SPATA6: variants seen among roughly 807,000 people sequenced by gnomAD.
The protein encoded by SPATA6 is spermatogenesis associated 6.
In SPATA6, 56 loss-of-function variants were observed where a neutral mutation model predicts 65.3. That is an observed-to-expected ratio of 0.86 (90% CI 0.69 to 1.07). The LOEUF (loss-of-function observed/expected upper bound fraction) is 1.07. SPATA6 is among the 50% of genes least tolerant of loss of function. The probability of loss-of-function intolerance (pLI) is 0.00; values close to 1 mark genes in which losing one functional copy is unlikely to be tolerated. For missense variants in SPATA6, 590 were observed against 594.8 expected (o/e 0.99, Z 0.08); for synonymous variants, 199 against 213.2 (o/e 0.93, Z 0.58).
chr1:48,353,599 A>C (rs962449810), intron 11 of SPATA6, among the ~76,000 whole-genome samples: 1 of 151,976 alleles, frequency 6.6e-6, no homozygotes, highest in African/African-American at 2.4e-5. Context: ...ATATTACTAG[A>C]GATAAAGAGG....
At chr1:48,419,731 G>A (rs774807344) in intron 3 of SPATA6, among the ~76,000 whole-genome samples, 2 of 152,198 alleles carry the variant, frequency 1.3e-5, no homozygotes, top group Non-Finnish European at 2.9e-5. Context: ...GAAATGGGAA[G>A]TAATCATCTC....
At chr1:48,267,760 T>G in the SPATA6 span, among the ~76,000 whole-genome samples, 91 of 130,346 alleles carry the variant, frequency 7.0e-4, no homozygotes, top group Middle Eastern at 3.8e-3. Flanking sequence ...GGGTTTTTTT[T>G]TTTTTTTTTT....
At chr1:48,376,574 T>C (rs1176891423) in intron 9 of SPATA6, among the ~76,000 whole-genome samples, 1 of 151,980 alleles carries the variant, frequency 6.6e-6, no homozygotes, top group African/African-American at 2.4e-5. Flanking sequence ...ATCTTGCTAA[T>C]TTTTAAATTA....
At position 48,411,551 on chromosome 1, in the gene SPATA6, T is replaced by G; in HGVS notation, c.318A>C (p.Arg106=). The G allele has an allele frequency of 6.2e-7, 1 of 1,610,098 alleles. No individual in the cohort carries two copies. The highest frequency in any genetic ancestry group is 8.5e-7 in the Non-Finnish European group (1 of 1,178,136). ...ETLSTYDENT[R]DFMFPGPNQM... ...GGTTTGGACCCGGAAACATGAAATC[T>G]CGTGTATTTTCGTCATACGTAGACA... Residue 106 remains arginine (R), a synonymous_variant, in exon 5 of 13, where the codon CGA becomes CGC. Coordinates refer to ENST00000371847, the MANE Select transcript of SPATA6 (RefSeq NM_019073.4).
intron 3 of SPATA6, chr1:48,435,884 G>A: frequency 1.5e-6 from 2 of 1,372,314 alleles, no homozygotes; most frequent in East Asian, 2.3e-5. Context: ...GGATATATCT[G>A]CATCTTGAAA....
At chr1:48,418,848 G>A (rs1206416821) in intron 3 of SPATA6, among the ~76,000 whole-genome samples, 5 of 147,416 alleles carry the variant, frequency 3.4e-5, no homozygotes, top group African/African-American at 7.5e-5. Flanking sequence ...AGAGAGGAGA[G>A]GAGAGGGGAG....
intron 9 of SPATA6, among the ~76,000 whole-genome samples, chr1:48,380,245 T>C (rs757273071): frequency 4.7e-4 from 71 of 152,266 alleles, no homozygotes; most frequent in Non-Finnish European, 9.3e-4. Context: ...TACTTGAATA[T>C]TTATTAACTA....
intron 7 of SPATA6, 76 bp from the exon 8 acceptor site, chr1:48,395,430 CTACTAGAG>C (rs1486444639): frequency 6.0e-6 from 6 of 1,006,766 alleles, no homozygotes; most frequent in African/African-American, 1.7e-5. Context: ...ACCAGAAAAA[CTACTAGAG>C]TACAGAGAGC....
intron 9 of SPATA6, among the ~76,000 whole-genome samples, chr1:48,361,480 C>A (rs1646810851): frequency 6.6e-6 from 1 of 151,980 alleles, no homozygotes; most frequent in Admixed American, 6.6e-5. Context: ...AAGTTGAATT[C>A]AAGAGAGAAT....
chr1:48,320,604 A>G (rs890343615), intron 11 of SPATA6, among the ~76,000 whole-genome samples: 1 of 152,262 alleles, frequency 6.6e-6, no homozygotes, highest in Non-Finnish European at 1.5e-5. Context: ...CTGTCCTATG[A>G]GAAATGCAAA....
intron 9 of SPATA6, among the ~76,000 whole-genome samples, chr1:48,384,285 A>G (rs1055073623): frequency 3.7e-5 from 5 of 133,838 alleles, no homozygotes; most frequent in Admixed American, 7.8e-5. Flanking sequence ...AGATGGCAGC[A>G]GTACCGTCCA....
chr1:48,384,218 C>T lies in SPATA6; in HGVS notation c.909+1091G>A, dbSNP rs1407428515. ...AGGCGTGGCGGTGCGCGCCTGCAAT[C>T]GCAGGCACTCGGCAGGCTGAGGCAG... On this transcript the variant is annotated intron_variant, in intron 9 of 12. Coordinates refer to ENST00000371847, the MANE Select transcript of SPATA6 (RefSeq NM_019073.4). Among the ~76,000 whole-genome samples, 14 of 145,602 alleles carry T rather than the reference C, an allele frequency of 9.6e-5. No individual in the cohort carries two copies. The South Asian group carries it at 2.7e-3, about 28-fold the overall frequency.
chr1:48,350,686 T>A (rs1470413766), intron 11 of SPATA6, among the ~76,000 whole-genome samples: 1 of 151,976 alleles, frequency 6.6e-6, no homozygotes, highest in African/African-American at 2.4e-5. Context: ...GTTGACAGTA[T>A]TTACGTGGGT....
chr1:48,355,621 T>C, intron 11 of SPATA6, 49 bp downstream of exon 11: 2 of 1,357,302 alleles, frequency 1.5e-6, no homozygotes, highest in South Asian at 2.6e-5. Context: ...TTTGGTGGTT[T>C]TCTTGACCTA....
chr1:48,366,800 T>G (rs1455616446), intron 9 of SPATA6, among the ~76,000 whole-genome samples: 8 of 152,178 alleles, frequency 5.3e-5, no homozygotes, highest in Non-Finnish European at 1.2e-4. Flanking sequence ...TTTCCTTCAG[T>G]TCTGCTCTGA....
intron 3 of SPATA6, among the ~76,000 whole-genome samples, chr1:48,425,345 G>T (rs1461958955): frequency 2.6e-5 from 4 of 152,080 alleles, no homozygotes; most frequent in African/African-American, 9.7e-5. Flanking sequence ...TGTTCCACTG[G>T]TCTATGTGTC....
chr1:48,471,483 C>A (rs150350379), intron 1 of SPATA6, among the ~76,000 whole-genome samples: 1 of 152,054 alleles, frequency 6.6e-6, no homozygotes, highest in African/African-American at 2.4e-5. Flanking sequence ...TAAAGAAAGG[C>A]CCCTTCATTA....
At chr1:48,443,020 C>G (rs2148117935) in intron 3 of SPATA6, among the ~76,000 whole-genome samples, 1 of 152,216 alleles carries the variant, frequency 6.6e-6, no homozygotes, top group Admixed American at 6.5e-5. Context: ...ACAGTTCCTC[C>G]CAGGCAATTA....
intron 9 of SPATA6, among the ~76,000 whole-genome samples, chr1:48,384,795 T>C (rs1190551910): frequency 1.3e-5 from 2 of 152,178 alleles, no homozygotes; most frequent in South Asian, 2.1e-4. Flanking sequence ...TTTAGAAACA[T>C]TGCTTTATTT....
Sources: gnomAD v4.1 joint callset for allele counts (sites outside exome capture counted in the v4.1 genomes callset) on GRCh38, gnomAD v4.1.1 for gene constraint, MANE v1.5 for transcripts, NCBI Gene and HGNC (gene_info 2026-07-23, HGNC 2026-07-21) for gene names.